Variants in WNT7A observed in about 807,000 individuals in gnomAD.
WNT7A encodes protein Wnt-7a.
WNT7A carries 16 observed loss-of-function variants against 28.2 expected under a neutral mutation model. The ratio of observed to expected loss-of-function variants is 0.57; its 90% CI spans 0.38 to 0.86. The LOEUF (loss-of-function observed/expected upper bound fraction) is 0.86. WNT7A is among the 40% of genes least tolerant of loss of function. The pLI, the probability that WNT7A is intolerant of heterozygous loss-of-function variation, is 0.00. For missense variants in WNT7A, 411 were observed against 489.7 expected, an observed-to-expected ratio of 0.84 and a Z score of 1.52; for synonymous variants, 190 against 195.9, an observed-to-expected ratio of 0.97 and a Z score of 0.25.
At chr3:13,833,247 TCA>T (rs549259525) in intron 3 of WNT7A, among the ~76,000 whole-genome samples, 78 of 152,194 alleles carry the variant, frequency 5.1e-4, no homozygotes, top group African/African-American at 1.8e-3. Flanking sequence ...ACACACTCCC[TCA>T]CAGGTATGCA....
chr3:13,870,199 G>T (rs1695009578), intron 2 of WNT7A, among the ~76,000 whole-genome samples: 1 of 152,200 alleles, frequency 6.6e-6, no homozygotes, highest in Admixed American at 6.5e-5. Flanking sequence ...ACTGCATTTA[G>T]AGATAGGAAC....
Position 13,828,563 on chromosome 3 carries a change from C to T in WNT7A, c.571-9140G>A, listed in dbSNP as rs532955587. Among the ~76,000 whole-genome samples, 9 of 152,248 alleles carry T rather than the reference C, an allele frequency of 5.9e-5. No homozygotes were observed. The South Asian group carries it at 8.3e-4, about 14-fold the overall frequency. On this transcript the variant is annotated intron_variant, in intron 3 of 3. Transcript: ENST00000285018. ...GCCCTTTGTAAAACAGATAGCCAGC[C>T]CCAAGTTGATGGGTTTTAAGCCACA...
chr3:13,837,974 G>A (rs185940996), intron 3 of WNT7A, among the ~76,000 whole-genome samples: 4 of 152,212 alleles, frequency 2.6e-5, no homozygotes, highest in African/African-American at 4.8e-5. Context: ...AAGGTTCCAC[G>A]CTGCCCCGCA....
chr3:13,873,479 C>G (rs11128664), intron 2 of WNT7A, among the ~76,000 whole-genome samples: 76,059 of 151,880 alleles, frequency 0.5, 20,088 homozygotes, highest in East Asian at 0.77. Flanking sequence ...GGACCCCATA[C>G]TGAGATCCTG....
rs139900896 is a variant in WNT7A at position 13,826,017 on chromosome 3, G to A, written c.571-6594C>T. Among the ~76,000 whole-genome samples, 124 of 152,342 alleles carry A rather than the reference G, an allele frequency of 8.1e-4. 1 individual carries two copies. The highest frequency in any genetic ancestry group is 2.7e-3 in the African/African-American group (113 of 41,586). Reference sequence around the variant, plus strand: ...AAGAGCCTTGTGTGCAAGCGGTGCTGCCCGGTGTTTGCAAGGGGAACAGGA... The same window carrying A: ...AAGAGCCTTGTGTGCAAGCGGTGCTACCCGGTGTTTGCAAGGGGAACAGGA... On this transcript the variant is annotated intron_variant, in intron 3 of 3. Transcript: ENST00000285018.
At chr3:13,873,009 T>TTG (rs60575099) in intron 2 of WNT7A, among the ~76,000 whole-genome samples, 22 of 151,500 alleles carry the variant, frequency 1.5e-4, no homozygotes, top group Admixed American at 3.3e-4. Context: ...CCCAGGAATT[T>TTG]TGTGTGTGTG....
intron 2 of WNT7A, 79 bp from the exon 3 acceptor site, chr3:13,854,882 T>C (rs1694705332): frequency 6.3e-7 from 1 of 1,582,998 alleles, no homozygotes; most frequent in Non-Finnish European, 8.6e-7. Context: ...GACTGAAGAG[T>C]GAGGCTGAGC....
rs566611726 is a variant in WNT7A at position 13,837,017 on chromosome 3, C to G, written c.570+17515G>C. ...GAGCCAGGGACCTTGCTCCTCCTGGCTGGAGCCCAGCACACTGCAGGGCAT... is the reference window on the plus strand; with the variant it reads ...GAGCCAGGGACCTTGCTCCTCCTGGGTGGAGCCCAGCACACTGCAGGGCAT... On this transcript the variant is annotated intron_variant, in intron 3 of 3. Transcript: ENST00000285018. 5.8e-4 allele frequency among the ~76,000 whole-genome samples: 89 copies of G among 152,264 alleles called. 1 individual carries two copies. The highest frequency in any genetic ancestry group is 2.1e-3 in the African/African-American group (86 of 41,522).
intron 3 of WNT7A, among the ~76,000 whole-genome samples, chr3:13,848,924 C>G (rs1694585477): frequency 6.6e-6 from 1 of 152,142 alleles, no homozygotes; most frequent in Admixed American, 6.5e-5. Context: ...GGTAAAGGAA[C>G]CGGCTACTGA....
chr3:13,878,416 AG>A (rs1417511880), intron 1 of WNT7A, among the ~76,000 whole-genome samples: 1 of 152,164 alleles, frequency 6.6e-6, no homozygotes, highest in Non-Finnish European at 1.5e-5. Flanking sequence ...AGATTAAAGC[AG>A]GGGAAAAAAA....
chr3:13,836,199 TTA>T (rs1491322366), intron 3 of WNT7A, among the ~76,000 whole-genome samples: 50 of 139,310 alleles, frequency 3.6e-4, no homozygotes, highest in Admixed American at 8.5e-4. Flanking sequence ...AAGCTGGTTT[TTA>T]AAAAAAAAAA....
chr3:13,850,068 T>G (rs1041286788), intron 3 of WNT7A, among the ~76,000 whole-genome samples: 5 of 152,234 alleles, frequency 3.3e-5, no homozygotes, highest in Admixed American at 1.3e-4. Context: ...GCAAGACCAT[T>G]CCTGCTCCAA....
rs1234632846 is a variant in WNT7A, at chr3:13,818,926, G to C, written c.*18C>G. 1.3e-6 allele frequency: 2 copies of C among 1,554,410 alleles called. No homozygotes were observed. Among genetic ancestry groups the C allele is most frequent in the Non-Finnish European group, 1.7e-6 (2 of 1,144,530 alleles). ...CAGCAATCTGACTTGCAGCGGGAGGGTGGTGTGCACACGGGGCTCACTTGC... is the reference window on the plus strand; with the variant it reads ...CAGCAATCTGACTTGCAGCGGGAGGCTGGTGTGCACACGGGGCTCACTTGC... On this transcript the variant is annotated 3_prime_UTR_variant, in exon 4 of 4. Transcript: ENST00000285018.
chr3:13,822,020 A>C (rs1217437912), intron 3 of WNT7A, among the ~76,000 whole-genome samples: 2 of 152,256 alleles, frequency 1.3e-5, no homozygotes, highest in Non-Finnish European at 2.9e-5. Flanking sequence ...TCCCCAGGGA[A>C]AGGCAAATCA....
chr3:13,864,381 G>A (rs555190632), intron 2 of WNT7A, among the ~76,000 whole-genome samples: 1 of 152,148 alleles, frequency 6.6e-6, no homozygotes, highest in South Asian at 2.1e-4. Flanking sequence ...CTCGTGCCAA[G>A]CCACTCTGGA....
At chr3:13,879,375 C>A (rs1426995060) in intron 1 of WNT7A, among the ~76,000 whole-genome samples, 1 of 152,162 alleles carries the variant, frequency 6.6e-6, no homozygotes, top group Non-Finnish European at 1.5e-5. Context: ...TGGCTGTGGT[C>A]CTGGCTTGAT....
At chr3:13,840,268 CTTTG>C (rs994087072) in intron 3 of WNT7A, among the ~76,000 whole-genome samples, 1 of 152,184 alleles carries the variant, frequency 6.6e-6, no homozygotes, top group African/African-American at 2.4e-5. Context: ...TCTCATCCTG[CTTTG>C]TTTGTTCATC....
chr3:13,840,000 T>C (rs1694430920), intron 3 of WNT7A, among the ~76,000 whole-genome samples: 1 of 152,176 alleles, frequency 6.6e-6, no homozygotes, highest in African/African-American at 2.4e-5. Flanking sequence ...GCTTCCAAGA[T>C]GCAGACAAAC....
At chr3:13,838,299 G>A (rs932441100) in intron 3 of WNT7A, among the ~76,000 whole-genome samples, 1 of 152,226 alleles carries the variant, frequency 6.6e-6, no homozygotes, top group Non-Finnish European at 1.5e-5. Context: ...CTGTCTCTGA[G>A]GTTCTGTCAG....
Sources: gnomAD v4.1 joint callset for allele counts (sites outside exome capture counted in the v4.1 genomes callset) on GRCh38, gnomAD v4.1.1 for gene constraint, MANE v1.5 for transcripts, NCBI Gene and HGNC (gene_info 2026-07-23, HGNC 2026-07-21) for gene names.